The following ACOX3 variants were observed in gnomAD, a reference collection of about 807,000 sequenced individuals.
ACOX3 encodes the protein acyl-CoA oxidase 3, pristanoyl.
ACOX3 carries 73 observed loss-of-function variants against 81.5 expected under a neutral mutation model. The ratio of observed to expected loss-of-function variants is 0.90; its 90% CI spans 0.74 to 1.09. The LOEUF (loss-of-function observed/expected upper bound fraction) is 1.09. ACOX3 is among the 50% of genes least tolerant of loss of function. The probability of loss-of-function intolerance (pLI) is 0.00; values close to 1 mark genes in which losing one functional copy is unlikely to be tolerated. For synonymous variants in ACOX3, 387 were observed against 375.1 expected (o/e 1.03, Z -0.37); for missense variants, 947 against 928.0 (o/e 1.02, Z -0.27).
intron 1 of ACOX3, among the ~76,000 whole-genome samples, chr4:8,422,792 G>A (rs1350179968): frequency 6.6e-6 from 1 of 152,166 alleles, no homozygotes; most frequent in African/African-American, 2.4e-5. Flanking sequence ...CTCTGGAAAA[G>A]GGAAACGCTG....
At chr4:8,361,130 A>C in the ACOX3 span, among the ~76,000 whole-genome samples, 1 of 152,150 alleles carries the variant, frequency 6.6e-6, no homozygotes, top group Non-Finnish European at 1.5e-5. Context: ...AAAGAGTTAA[A>C]GAATTGTTTT....
intron 5 of ACOX3, among the ~76,000 whole-genome samples, chr4:8,413,791 T>C (rs1307273267): frequency 2.6e-5 from 4 of 152,088 alleles, no homozygotes; most frequent in African/African-American, 7.2e-5. Flanking sequence ...GCAGCCACAA[T>C]GCAGGTACCA....
At chr4:8,393,318 T>A (rs1719243713) in intron 10 of ACOX3, among the ~76,000 whole-genome samples, 1 of 85,980 alleles carries the variant, frequency 1.2e-5, no homozygotes, top group Admixed American at 9.9e-5. Context: ...ACACCCTGTC[T>A]CTACTGAAAA....
In ACOX3 at chr4:8,394,793, C is replaced by A; in HGVS notation, c.1057-51G>T. The A allele has an allele frequency of 1.3e-6, 2 of 1,580,408 alleles. No homozygotes were observed. The highest frequency in any genetic ancestry group is 1.7e-6 in the Non-Finnish European group (2 of 1,160,046). The stretch of plus-strand genomic sequence containing the variant: ...AACACATCGTGGTTCCCATGAAGGG[C>A]AGCCCATCCCAGGGACCATGAAAGC... On this transcript the variant is annotated intron_variant, in intron 9 of 17. Transcript: ENST00000356406. This position sits in a 1 kb window ranked among gnomAD's most constrained non-coding sequence, Gnocchi z 5.9.
chr4:8,424,749 T>C (rs547530882), intron 1 of ACOX3, among the ~76,000 whole-genome samples: 2 of 152,214 alleles, frequency 1.3e-5, no homozygotes, highest in African/African-American at 4.8e-5. Flanking sequence ...AGATAAAACA[T>C]AACTGTCAAC....
chr4:8,415,767 A>G lies in ACOX3; in HGVS notation c.377T>C (p.Leu126Ser). Residue 126 changes from leucine (L) to serine (S), a missense_variant and splice_region_variant, in exon 3 of 18, where the codon TTG becomes TCG. Physicochemically the swap from Leu to Ser is moderately radical, Grantham distance 145. Transcript: ENST00000356406. ...CTCTCCCCTAGGCCGCATGCTCACC[A>G]AGCTATGGAGGAGGTACTTGGCAGC... Reference protein sequence around the residue: ...SLAAKYLLHSLVFGSAVYSSG... With the variant: ...SLAAKYLLHSSVFGSAVYSSG... 6.2e-7 allele frequency: 1 copy of G among 1,613,602 alleles called. No individual in the cohort carries two copies. Among genetic ancestry groups the G allele is most frequent in the Non-Finnish European group, 8.5e-7 (1 of 1,179,662 alleles).
In ACOX3 at chr4:8,394,767, G is replaced by T; in HGVS notation, c.1057-25C>A. ...GCTAGAACAGACAAGACACCTGCGT[G>T]AACACATCGTGGTTCCCATGAAGGG... On this transcript the variant is annotated intron_variant, in intron 9 of 17. Coordinates refer to ENST00000356406, the MANE Select transcript of ACOX3 (RefSeq NM_003501.3). This position sits in a 1 kb window ranked among gnomAD's most constrained non-coding sequence, Gnocchi z 5.9. The T allele has an allele frequency of 2.5e-6, 4 of 1,605,196 alleles. No individual in the cohort carries two copies. The South Asian group carries it at 4.4e-5, about 18-fold the overall frequency.
chr4:8,432,419 G>C lies in ACOX3; in HGVS notation c.-15+8229C>G, dbSNP rs188143752. ...CGGCTAATTTTTTGTATTTTTAGTA[G>C]AGACAGGTTTTCACTGTGTTAGCCA... On this transcript the variant is annotated intron_variant, in intron 1 of 17. Transcript: ENST00000356406. This position sits in a 1 kb window ranked among gnomAD's most constrained non-coding sequence, Gnocchi z 6.2. Among the ~76,000 whole-genome samples the C allele has an allele frequency of 1.1e-3, 175 of 152,186 alleles. 2 individuals carry two copies. Among genetic ancestry groups the C allele is most frequent in the African/African-American group, 4.0e-3 (167 of 41,508 alleles).
In ACOX3 at chr4:8,399,418, CAGG is replaced by C; in HGVS notation, c.873+135_873+137del. 4 of 709,648 alleles carry C rather than the reference CAGG, an allele frequency of 5.6e-6. No homozygotes were observed. 44.0% of individuals were successfully genotyped at this position (709,648 alleles called of 1,614,324 possible). A position where few individuals can be genotyped will look rare whatever the true frequency, so the allele number is the denominator to read the frequency against. On this transcript the variant is annotated intron_variant, in intron 8 of 17. Transcript: ENST00000356406. This position sits in a 1 kb window ranked among gnomAD's most constrained non-coding sequence, Gnocchi z 4.9. ...CTAGCGGGAGCACCAGAACCCGAGC[CAGG>C]AGAAGTATGCCCCAGCGACACCTGG...
rs998816284 is a variant in ACOX3, at chr4:8,368,659, C to T, written c.1984-1579G>A. Reference sequence around the variant, plus strand: ...CAACTCCCCTGCAGCTCTGTTTGTTCGCTTATAGTGAATTTCTCACCTGGC... The same window carrying T: ...CAACTCCCCTGCAGCTCTGTTTGTTTGCTTATAGTGAATTTCTCACCTGGC... On this transcript the variant is annotated intron_variant, in intron 17 of 17. Transcript: ENST00000356406. The surrounding 1 kb of genome is among the most constrained non-coding windows in gnomAD (Gnocchi z 5.9). Among the ~76,000 whole-genome samples, 1 of 151,910 alleles carries T rather than the reference C, an allele frequency of 6.6e-6. No individual in the cohort carries two copies. The highest frequency in any genetic ancestry group is 2.4e-5 in the African/African-American group (1 of 41,332).
chr4:8,367,487 A>T (rs894503074), intron 17 of ACOX3, among the ~76,000 whole-genome samples: 1 of 152,078 alleles, frequency 6.6e-6, no homozygotes, highest in Admixed American at 6.5e-5. Context: ...CCGTCTCAAA[A>T]CAAACAAACA....
Position 8,385,056 on chromosome 4 carries a change from C to T in ACOX3, c.1538-3449G>A, listed in dbSNP as rs1398475098. ...CCCCACCGAGGGCACCATGGCCTGG[C>T]CCCTGCCAGGTGGCATGGGGTGACC... On this transcript the variant is annotated intron_variant, in intron 13 of 17. Transcript: ENST00000356406. The surrounding 1 kb of genome is among the most constrained non-coding windows in gnomAD (Gnocchi z 5.5). Among the ~76,000 whole-genome samples, 1 of 152,150 alleles carries T rather than the reference C, an allele frequency of 6.6e-6. No individual in the cohort carries two copies. The highest frequency in any genetic ancestry group is 2.4e-5 in the African/African-American group (1 of 41,438).
Position 8,406,032 on chromosome 4 carries a change from CG to C in ACOX3, c.698del (p.Pro233ArgfsTer10), listed in dbSNP as rs1720909820. On this transcript the variant is annotated frameshift_variant, in exon 7 of 18. Transcript: ENST00000356406. LOFTEE classifies it high-confidence loss of function. The surrounding 1 kb of genome is among the most constrained non-coding windows in gnomAD (Gnocchi z 5.6). ...CTCCAGGCATGGGAAGAAGGGTCTT[CG>C]GGTCCCGGATCTATACAAAGCCACA... The part of the protein sequence containing the change: ...LHPFIVQIRD[P>X]KTLLPMPGVM... 1.2e-6 allele frequency: 2 copies of C among 1,613,948 alleles called. 1 individual carries two copies. The highest frequency in any genetic ancestry group is 2.7e-5 in the African/African-American group (2 of 74,918).
chr4:8,405,319 G>A lies in ACOX3; in HGVS notation c.776+636C>T, dbSNP rs188113828. Among the ~76,000 whole-genome samples, 49 of 152,196 alleles carry A rather than the reference G, an allele frequency of 3.2e-4. 1 individual carries two copies. Among genetic ancestry groups the A allele is most frequent in the African/African-American group, 1.1e-3 (45 of 41,524 alleles). ...CCAAAATCACTGGCCACTTCTCCCC[G>A]GCCACCCAGGCCTCCATGTGGCCAT... On this transcript the variant is annotated intron_variant, in intron 7 of 17. Transcript: ENST00000356406. The surrounding 1 kb of genome is among the most constrained non-coding windows in gnomAD (Gnocchi z 7.1).
chr4:8,356,402 C>T, the ACOX3 span: 4 of 399,772 alleles, frequency 1.0e-5, no homozygotes, highest in Middle Eastern at 3.6e-4. Context: ...GATGCATGTG[C>T]ACGGATGGCT....
rs1719514686 is a variant in ACOX3 at position 8,394,898 on chromosome 4, C to T, written c.1057-156G>A. The T allele has an allele frequency of 1.9e-6, 2 of 1,029,864 alleles. No individual in the cohort carries two copies. The highest frequency in any genetic ancestry group is 5.9e-5 in the Admixed American group (2 of 33,780). The allele number at this position is 1,029,864 out of a possible 1,614,324, so 63.8% of individuals were successfully genotyped here. A position where few individuals can be genotyped will look rare whatever the true frequency, so the allele number is the denominator to read the frequency against. ...CATGTCTTCCCGGCACATCAGAAAGCCTTCACCCTGACACGCTCTCAACTC... is the reference window on the plus strand; with the variant it reads ...CATGTCTTCCCGGCACATCAGAAAGTCTTCACCCTGACACGCTCTCAACTC... On this transcript the variant is annotated intron_variant, in intron 9 of 17. Coordinates refer to ENST00000356406, the MANE Select transcript of ACOX3 (RefSeq NM_003501.3). The surrounding 1 kb of genome is among the most constrained non-coding windows in gnomAD (Gnocchi z 5.9).
Position 8,414,334 on chromosome 4 carries a change from G to A in ACOX3, c.501C>T (p.Thr167=), listed in dbSNP as rs772512754. The change falls in exon 5 of 18, where the codon ACC becomes ACT. Residue 167 remains threonine (T), a synonymous_variant. Coordinates refer to ENST00000356406, the MANE Select transcript of ACOX3 (RefSeq NM_003501.3). The surrounding 1 kb of genome is among the most constrained non-coding windows in gnomAD (Gnocchi z 6.1). The part of the protein sequence containing the change: ...ALTELSHGSN[T]KAIRTTAHYD... ...AGTGGGCAGTTGTGCGAATGGCCTT[G>A]GTATTACTGCCGTGGCTTAATTCGG... The A allele has an allele frequency of 1.2e-6, 2 of 1,614,052 alleles. No homozygotes were observed. The highest frequency in any genetic ancestry group is 2.2e-5 in the South Asian group (2 of 91,072).
At position 8,394,742 on chromosome 4, in the gene ACOX3, G is replaced by A. The variant is rs1202845153; in HGVS notation, c.1057C>T (p.Gln353Ter). ...GCCAGATATGGAAGCAAGCGCCATTGCTAGAACAGACAAGACACCTGCGTG... is the reference window on the plus strand; with the variant it reads ...GCCAGATATGGAAGCAAGCGCCATTACTAGAACAGACAAGACACCTGCGTG... ...EIPVLEYPMQ[Q>*]WRLLPYLAAV... The change falls in exon 10 of 18, where the codon CAA (glutamine) becomes TAA (stop). Residue 353 changes from glutamine to a stop codon, truncating the protein, a stop_gained and splice_region_variant. Transcript: ENST00000356406. LOFTEE classifies it high-confidence loss of function. This position sits in a 1 kb window ranked among gnomAD's most constrained non-coding sequence, Gnocchi z 5.9. 2.5e-6 allele frequency: 4 copies of A among 1,612,786 alleles called. No individual in the cohort carries two copies. The highest frequency in any genetic ancestry group is 8.5e-7 in the Non-Finnish European group (1 of 1,179,434).
At position 8,375,024 on chromosome 4, in the gene ACOX3, C is replaced by T; in HGVS notation, c.1782G>A (p.Leu594=). The change falls in exon 15 of 18, where the codon CTG becomes CTA. Residue 594 remains leucine, a synonymous_variant. Coordinates refer to ENST00000356406, the MANE Select transcript of ACOX3 (RefSeq NM_003501.3). The part of the protein sequence containing the change: ...LRAVLGRLSA[L]YALWSLSRHA... ...GGCGGCTCAGGGACCACAGGGCGTACAGAGCACTGAGCCGCCCCAGCACGG... is the reference window on the plus strand; with the variant it reads ...GGCGGCTCAGGGACCACAGGGCGTATAGAGCACTGAGCCGCCCCAGCACGG... 6.4e-7 allele frequency: 1 copy of T among 1,554,922 alleles called. No individual in the cohort carries two copies. Among genetic ancestry groups the T allele is most frequent in the East Asian group, 2.4e-5 (1 of 41,896 alleles).
Sources: gnomAD v4.1 joint callset for allele counts (sites outside exome capture counted in the v4.1 genomes callset) on GRCh38, gnomAD v4.1.1 for gene constraint, Gnocchi (gnomAD v3.1) non-coding constraint, MANE v1.5 for transcripts, NCBI Gene and HGNC (gene_info 2026-07-23, HGNC 2026-07-21) for gene names.